The following ACMSD variants were observed in gnomAD, a reference collection of about 807,000 sequenced individuals.
ACMSD encodes the protein aminocarboxymuconate semialdehyde decarboxylase, also known as 2-amino-3-carboxymuconate-6-semialdehyde decarboxylase.
A neutral mutation model predicts 45.9 loss-of-function variants in ACMSD; 37 were observed. That is an observed-to-expected ratio of 0.81 (90% CI 0.62 to 1.06). The LOEUF (loss-of-function observed/expected upper bound fraction) is 1.06. ACMSD is among the 50% of genes least tolerant of loss of function. The probability of loss-of-function intolerance (pLI) is 0.00; values close to 1 mark genes in which losing one functional copy is unlikely to be tolerated. For synonymous variants in ACMSD, 138 were observed against 148.8 expected (o/e 0.93, Z 0.53); for missense variants, 434 against 420.9 (o/e 1.03, Z -0.27).
At chr2:134,853,189 A>T (rs1445602535) in intron 2 of ACMSD, among the ~76,000 whole-genome samples, 1 of 145,750 alleles carries the variant, frequency 6.9e-6, no homozygotes, top group African/African-American at 2.5e-5. Flanking sequence ...AAAAAAAAGG[A>T]AAGACAAGAA....
At chr2:134,893,305 C>T (rs1179491289) in intron 8 of ACMSD, among the ~76,000 whole-genome samples, 2 of 150,782 alleles carry the variant, frequency 1.3e-5, no homozygotes, top group Non-Finnish European at 1.5e-5. Context: ...CTCATGCAAT[C>T]CTTCCACCTC....
chr2:134,882,232 G>A (rs1689076270), intron 8 of ACMSD, among the ~76,000 whole-genome samples: 1 of 152,196 alleles, frequency 6.6e-6, no homozygotes, highest in Non-Finnish European at 1.5e-5. Context: ...ATATTTTCCT[G>A]TGTACTGGAA....
At chr2:134,886,405 C>T (rs1438065390) in intron 8 of ACMSD, among the ~76,000 whole-genome samples, 5 of 151,576 alleles carry the variant, frequency 3.3e-5, no homozygotes, top group Non-Finnish European at 7.4e-5. Flanking sequence ...CCCGCCAACA[C>T]GCCCGGCTAA....
chr2:134,854,220 G>C (rs1261339390), intron 2 of ACMSD, among the ~76,000 whole-genome samples: 1 of 152,194 alleles, frequency 6.6e-6, no homozygotes, highest in Admixed American at 6.5e-5. Context: ...TATTTATTGA[G>C]CATGCTCTCT....
At chr2:134,849,204 T>C (rs1288222838) in intron 2 of ACMSD, among the ~76,000 whole-genome samples, 1 of 152,170 alleles carries the variant, frequency 6.6e-6, no homozygotes, top group African/African-American at 2.4e-5. Context: ...TCAAGAAATT[T>C]CATAAACTTA....
chr2:134,875,481 A>G (rs1688688595), intron 8 of ACMSD, among the ~76,000 whole-genome samples: 1 of 152,210 alleles, frequency 6.6e-6, no homozygotes, highest in African/African-American at 2.4e-5. Flanking sequence ...ACCCTGTGCT[A>G]TTTGGTCAGA....
chr2:134,900,900 C>T (rs1690462204), intron 9 of ACMSD, among the ~76,000 whole-genome samples: 1 of 152,158 alleles, frequency 6.6e-6, no homozygotes, highest in African/African-American at 2.4e-5. Context: ...TGAAGGGTAC[C>T]TCCCTCAAAG....
intron 9 of ACMSD, among the ~76,000 whole-genome samples, chr2:134,899,834 C>T (rs1690396972): frequency 6.6e-6 from 1 of 152,026 alleles, no homozygotes; most frequent in Admixed American, 6.6e-5. Flanking sequence ...TTCCAAGATA[C>T]ATTAAATTTT....
chr2:134,863,404 G>A lies in ACMSD; in HGVS notation c.259G>A (p.Glu87Lys), dbSNP rs2104857362. 8.1e-6 allele frequency: 13 copies of A among 1,614,160 alleles called. No individual in the cohort carries two copies. The highest frequency in any genetic ancestry group is 1.1e-5 in the Non-Finnish European group (13 of 1,180,010). The change falls in exon 5 of 10, where the codon GAG (glutamate) becomes AAG (lysine). Residue 87 changes from glutamate to lysine, a missense_variant. Transcript: ENST00000356140. ...PVMFSYWAKP[E>K]DTLNLCQLLN... is the part of the protein sequence containing the mutation. ...TTCCTGTCTCCACCAGGCCAAACCT[G>A]AGGACACTTTAAACCTGTGCCAGCT...
At chr2:134,893,743 C>T (rs75582739) in intron 8 of ACMSD, among the ~76,000 whole-genome samples, 2,890 of 152,212 alleles carry the variant, frequency 0.019, 109 homozygotes, top group East Asian at 0.14. Context: ...CTATTTCAAG[C>T]AAAACTATCC....
intron 8 of ACMSD, among the ~76,000 whole-genome samples, chr2:134,895,857 G>A (rs886902917): frequency 2.6e-5 from 4 of 151,968 alleles, no homozygotes; most frequent in African/African-American, 7.2e-5. Context: ...GTGAAACTCC[G>A]TCTCAAAAAA....
intron 2 of ACMSD, among the ~76,000 whole-genome samples, chr2:134,849,572 G>C (rs1687233975): frequency 6.6e-6 from 1 of 152,128 alleles, no homozygotes; most frequent in South Asian, 2.1e-4. Context: ...CCCCAGGATT[G>C]ACTTACCCTG....
At chr2:134,866,656 A>G (rs1230445976) in intron 5 of ACMSD, among the ~76,000 whole-genome samples, 1 of 152,240 alleles carries the variant, frequency 6.6e-6, no homozygotes, top group East Asian at 1.9e-4. Flanking sequence ...ACATTTATGT[A>G]TGAGGGTAGG....
intron 8 of ACMSD, among the ~76,000 whole-genome samples, chr2:134,875,758 T>C (rs1247095621): frequency 3.3e-5 from 5 of 152,244 alleles, no homozygotes; most frequent in African/African-American, 7.2e-5. Flanking sequence ...ATTATGAGTA[T>C]ATCATAATTC....
intron 5 of ACMSD, among the ~76,000 whole-genome samples, chr2:134,864,099 T>C (rs566073224): frequency 6.6e-6 from 1 of 151,786 alleles, no homozygotes; most frequent in South Asian, 2.1e-4. Context: ...CAAAACCCCA[T>C]CTCTACTAAA....
chr2:134,894,054 T>C (rs887312949), intron 8 of ACMSD, among the ~76,000 whole-genome samples: 1 of 152,066 alleles, frequency 6.6e-6, no homozygotes, highest in African/African-American at 2.4e-5. Flanking sequence ...GGACTTGGCC[T>C]TGAGAGCTAG....
Position 134,862,024 on chromosome 2 carries a change from T to A in ACMSD, c.249+6T>A. The A allele has an allele frequency of 1.2e-6, 2 of 1,614,010 alleles. No homozygotes were observed. The highest frequency in any genetic ancestry group is 2.2e-5 in the South Asian group (2 of 91,078). On this transcript the variant is annotated splice_donor_region_variant and intron_variant, in intron 4 of 9. Coordinates refer to ENST00000356140, the MANE Select transcript of ACMSD (RefSeq NM_138326.3). ...CTGTCATGTTTAGCTACTGGGTGAG[T>A]GTGAAACCTCAAGCCATCTCCTTGG...
At chr2:134,886,944 A>G (rs1185000365) in intron 8 of ACMSD, among the ~76,000 whole-genome samples, 1 of 152,220 alleles carries the variant, frequency 6.6e-6, no homozygotes, top group Non-Finnish European at 1.5e-5. Context: ...ATTTTTATAT[A>G]CTAGCAGCAA....
At chr2:134,901,602 C>T (rs1690505194) in intron 9 of ACMSD, among the ~76,000 whole-genome samples, 196 bp from the exon 10 acceptor site, 1 of 151,896 alleles carries the variant, frequency 6.6e-6, no homozygotes, top group South Asian at 2.1e-4. Flanking sequence ...CCCCTACAAT[C>T]AAGTTTCAGA....
Sources: gnomAD v4.1 joint callset for allele counts (sites outside exome capture counted in the v4.1 genomes callset) on GRCh38, gnomAD v4.1.1 for gene constraint, MANE v1.5 for transcripts, NCBI Gene and HGNC (gene_info 2026-07-23, HGNC 2026-07-21) for gene names.